The following PTPRN2 variants were observed in gnomAD, a reference collection of about 807,000 sequenced individuals.
PTPRN2 encodes receptor-type tyrosine-protein phosphatase N2.
A neutral mutation model predicts 118.8 loss-of-function variants in PTPRN2; 74 were observed. The ratio of observed to expected loss-of-function variants is 0.62; its 90% confidence interval spans 0.52 to 0.76. PTPRN2 has a LOEUF of 0.76. Among genes scored for constraint, PTPRN2 ranks in the 30% least tolerant of loss-of-function variants. The pLI, the probability that PTPRN2 is intolerant of heterozygous loss-of-function variation, is 0.00. For missense variants in PTPRN2, 1,481 were observed against 1,394.4 expected, an observed-to-expected ratio of 1.06 and a Z score of -0.99; for synonymous variants, 641 against 608.0, an observed-to-expected ratio of 1.05 and a Z score of -0.80.
chr7:158,353,479 A>G (rs868526419), intron 2 of PTPRN2, among the ~76,000 whole-genome samples: 21 of 152,328 alleles, frequency 1.4e-4, no homozygotes, highest in Middle Eastern at 3.4e-3. Context: ...TCTGAGTTCT[A>G]TTAAAGGACA....
intron 6 of PTPRN2, among the ~76,000 whole-genome samples, chr7:158,154,791 G>A (rs1366539183): frequency 6.6e-6 from 1 of 152,142 alleles, no homozygotes; most frequent in African/African-American, 2.4e-5. Flanking sequence ...CTAAGTTGCT[G>A]GGCAGCTTAT....
intron 2 of PTPRN2, among the ~76,000 whole-genome samples, chr7:158,329,634 C>T (rs1803974270): frequency 6.6e-6 from 1 of 152,202 alleles, no homozygotes; most frequent in Non-Finnish European, 1.5e-5. Flanking sequence ...AAATCAATGT[C>T]TGCTGTTTCT....
intron 6 of PTPRN2, among the ~76,000 whole-genome samples, chr7:158,143,280 C>A (rs1222600995): frequency 1.3e-5 from 2 of 152,164 alleles, no homozygotes. Context: ...GGGTCCCGGG[C>A]TCCACCAGGC....
At chr7:158,471,451 A>G (rs1447930038) in intron 2 of PTPRN2, among the ~76,000 whole-genome samples, 1 of 152,324 alleles carries the variant, frequency 6.6e-6, no homozygotes, top group South Asian at 2.1e-4. Flanking sequence ...GCACTTTGGG[A>G]GGCCGACGCG....
At chr7:158,239,971 G>A (rs1365455832) in intron 3 of PTPRN2, among the ~76,000 whole-genome samples, 1 of 152,170 alleles carries the variant, frequency 6.6e-6, no homozygotes. Context: ...AACTGGCGAA[G>A]TGAGCTATAA....
chr7:158,308,921 G>C (rs1306033246), intron 3 of PTPRN2, among the ~76,000 whole-genome samples: 1 of 151,958 alleles, frequency 6.6e-6, no homozygotes, highest in Non-Finnish European at 1.5e-5. Flanking sequence ...TACTGAAGCT[G>C]ACTCAAGAAG....
intron 3 of PTPRN2, among the ~76,000 whole-genome samples, chr7:158,280,920 G>A (rs1187822877): frequency 2.6e-5 from 4 of 152,226 alleles, no homozygotes; most frequent in African/African-American, 2.4e-5. Context: ...GCCGGCCCAC[G>A]GCTACACGGT....
chr7:158,283,797 C>T (rs1385878222), intron 3 of PTPRN2, among the ~76,000 whole-genome samples: 1 of 152,084 alleles, frequency 6.6e-6, no homozygotes, highest in East Asian at 1.9e-4. Context: ...CCCTAATGGC[C>T]TCCTGAGCAC....
intron 12 of PTPRN2, among the ~76,000 whole-genome samples, chr7:157,799,416 G>A (rs967391856): frequency 3.9e-5 from 6 of 152,056 alleles, no homozygotes; most frequent in Non-Finnish European, 8.8e-5. Flanking sequence ...CTTACTCAAC[G>A]TCTCCACTGC....
chr7:158,157,034 A>C (rs566909273), intron 6 of PTPRN2, among the ~76,000 whole-genome samples: 236 of 126,602 alleles, frequency 1.9e-3, no homozygotes, highest in Non-Finnish European at 2.7e-3. Flanking sequence ...TGAAAGGCCT[A>C]CCCATTGTGC....
At chr7:158,025,002 C>T (rs1807161856) in intron 11 of PTPRN2, among the ~76,000 whole-genome samples, 1 of 152,126 alleles carries the variant, frequency 6.6e-6, no homozygotes, top group Non-Finnish European at 1.5e-5. Flanking sequence ...TTGTGAATGT[C>T]AGAATAAGCT....
chr7:158,506,815 G>T (rs1353284067), intron 1 of PTPRN2, among the ~76,000 whole-genome samples: 2 of 151,508 alleles, frequency 1.3e-5, no homozygotes, highest in African/African-American at 4.8e-5. Context: ...CCGCCCCTCC[G>T]CCATCGCCAT....
chr7:158,007,768 G>A (rs1372184453), intron 11 of PTPRN2, among the ~76,000 whole-genome samples: 2 of 151,812 alleles, frequency 1.3e-5, no homozygotes, highest in African/African-American at 4.8e-5. Flanking sequence ...TATGTGTGAG[G>A]GTGTGCTGTG....
At chr7:158,497,468 C>G (rs1822036070) in intron 1 of PTPRN2, among the ~76,000 whole-genome samples, 1 of 152,026 alleles carries the variant, frequency 6.6e-6, no homozygotes, top group African/African-American at 2.4e-5. Flanking sequence ...TGGCCACACT[C>G]TCAGCGCAGG....
chr7:157,894,925 A>G (rs1024775847), intron 12 of PTPRN2, among the ~76,000 whole-genome samples: 3 of 152,300 alleles, frequency 2.0e-5, no homozygotes, highest in Admixed American at 6.5e-5. Context: ...CGGCTGGGAC[A>G]CTGAGGGCAG....
chr7:157,898,997 C>T (rs951876719), intron 11 of PTPRN2, among the ~76,000 whole-genome samples: 2 of 152,222 alleles, frequency 1.3e-5, no homozygotes, highest in Admixed American at 6.5e-5. Context: ...CCACCCGGGT[C>T]CCCAGGACTG....
Position 158,574,116 on chromosome 7 carries a change from G to C in PTPRN2, c.112+13442C>G, listed in dbSNP as rs1260656137. The stretch of plus-strand genomic sequence containing the variant: ...CAGAAAGATTAAAAATCATCGTTCG[G>C]ACTTTCTCAATTATAGATTTATGCA... On this transcript the variant is annotated intron_variant, in intron 1 of 22. Transcript: ENST00000389418. The surrounding 1 kb of genome is among the most constrained non-coding windows in gnomAD (Gnocchi z 4.6). Among the ~76,000 whole-genome samples, 1 of 152,110 alleles carries C rather than the reference G, an allele frequency of 6.6e-6. No homozygotes were observed. Among genetic ancestry groups the C allele is most frequent in the Admixed American group, 6.6e-5 (1 of 15,260 alleles).
chr7:158,195,280 G>A (rs147039240), intron 4 of PTPRN2, among the ~76,000 whole-genome samples: 117 of 152,252 alleles, frequency 7.7e-4, no homozygotes, highest in African/African-American at 2.2e-3. Flanking sequence ...GCTTTCCATC[G>A]TCTTCTGGCC....
chr7:157,587,225 G>A lies in PTPRN2; in HGVS notation c.2496+8013C>T, dbSNP rs561744054. On this transcript the variant is annotated intron_variant, in intron 17 of 22. Coordinates refer to ENST00000389418, the MANE Select transcript of PTPRN2 (RefSeq NM_002847.5). The surrounding 1 kb of genome is among the most constrained non-coding windows in gnomAD (Gnocchi z 5.3). ...CAGGCAGACAGAGACAAGACACACAGGCAGACAGGCAGACAGCGAGACAGG... is the reference window on the plus strand; with the variant it reads ...CAGGCAGACAGAGACAAGACACACAAGCAGACAGGCAGACAGCGAGACAGG... Among the ~76,000 whole-genome samples the A allele has an allele frequency of 2.0e-5, 3 of 151,402 alleles. No homozygotes were observed. The highest frequency in any genetic ancestry group is 4.2e-4 in the South Asian group (2 of 4,784).
Sources: allele counts gnomAD v4.1 joint callset (sites outside exome capture counted in the v4.1 genomes callset), GRCh38; gene constraint gnomAD v4.1.1; non-coding constraint Gnocchi (gnomAD v3.1); transcripts MANE v1.5; gene names NCBI Gene and HGNC (gene_info 2026-07-23, HGNC 2026-07-21).